Variants in GPR137 observed in about 807,000 individuals in gnomAD.
GPR137 encodes G protein-coupled receptor 137.
In GPR137, 20 loss-of-function variants were observed where a neutral mutation model predicts 38.9. The observed-to-expected ratio is 0.51, with a 90% CI of 0.36 to 0.75. The LOEUF is 0.75. GPR137 is among the 30% of genes least tolerant of loss of function. The probability of loss-of-function intolerance (pLI) is 0.00; values close to 1 mark genes in which losing one functional copy is unlikely to be tolerated. For missense variants in GPR137, 456 were observed against 526.4 expected, an observed-to-expected ratio of 0.87 and a Z score of 1.31; for synonymous variants, 226 against 235.8, an observed-to-expected ratio of 0.96 and a Z score of 0.38.
At position 64,277,956 on chromosome 11, in the gene GPR137, A is replaced by G. The variant is rs552179089; in HGVS notation, c.-16+1535A>G. The stretch of plus-strand genomic sequence containing the variant: ...GAAATTTGAATTTCATAGAATGTTC[A>G]CGTTACAAAATATAGTTCTTTGGAT... On this transcript the variant is annotated intron_variant, in intron 2 of 2. Coordinates refer to the GPR137 transcript ENST00000538244. 2.6e-5 allele frequency among the ~76,000 whole-genome samples: 4 copies of G among 152,274 alleles called. No individual in the cohort carries two copies. The South Asian group carries it at 8.3e-4, about 32-fold the overall frequency.
At chr11:64,282,613 T>C (rs1180237943), upstream of GPR137, among the ~76,000 whole-genome samples, 2 of 152,044 alleles carry the variant, frequency 1.3e-5, no homozygotes, top group African/African-American at 4.8e-5. Context: ...GCATGGTGGC[T>C]CACGCCTGTA....
rs770270522 is a variant in GPR137, at chr11:64,287,807, G to A, written c.494G>A (p.Arg165Gln). ...TGTGCTGTGCTCTCCCATCGGCGCCGGGCACAGCCCTGGGCCCTGCTGCTT... is the reference window on the plus strand; with the variant it reads ...TGTGCTGTGCTCTCCCATCGGCGCCAGGCACAGCCCTGGGCCCTGCTGCTT... Reference protein sequence around the residue: ...VLCAVLSHRRRAQPWALLLVR... With the variant: ...VLCAVLSHRRQAQPWALLLVR... Residue 165 changes from arginine (R) to glutamine (Q), a missense_variant, in exon 3 of 7, where the codon CGG becomes CAG. Coordinates refer to ENST00000438980, the MANE Select transcript of GPR137 (RefSeq NM_001170880.2). The A allele has an allele frequency of 2.7e-5, 43 of 1,607,018 alleles. 1 individual carries two copies. The highest frequency in any genetic ancestry group is 2.4e-4 in the South Asian group (22 of 91,078).
Position 64,277,594 on chromosome 11 carries a change from C to T in GPR137, c.-16+1173C>T, listed in dbSNP as rs372815001. Among the ~76,000 whole-genome samples the T allele has an allele frequency of 3.0e-4, 45 of 152,232 alleles. 1 individual carries two copies. The South Asian group carries it at 8.1e-3, about 27-fold the overall frequency. On this transcript the variant is annotated intron_variant, in intron 2 of 2. Coordinates refer to the GPR137 transcript ENST00000538244. Reference sequence around the variant, plus strand: ...CTTGGACTACAGGCATCACCATGCCCGGCTAATTTTTTAATTTAAAAAATT... The same window carrying T: ...CTTGGACTACAGGCATCACCATGCCTGGCTAATTTTTTAATTTAAAAAATT...
chr11:64,289,098 T>G lies in GPR137; in HGVS notation c.1093T>G (p.Tyr365Asp). ...TGCCATCGGGCGTGAGCCGGGCTGGTATGGGGGCAGCCAGACGAAGACCAC... is the reference window on the plus strand; with the variant it reads ...TGCCATCGGGCGTGAGCCGGGCTGGGATGGGGGCAGCCAGACGAAGACCAC... ...YGAIGREPGW[Y>D]GGSQTKTTPL... The change falls in exon 7 of 7, where the codon TAT becomes GAT. Residue 365 changes from tyrosine to aspartate, a missense_variant. Transcript: ENST00000438980. The G allele has an allele frequency of 1.2e-6, 2 of 1,612,010 alleles. No individual in the cohort carries two copies. The highest frequency in any genetic ancestry group is 1.7e-6 in the Non-Finnish European group (2 of 1,179,664).
At position 64,286,539 on chromosome 11, in the gene GPR137, G is replaced by C. The variant is rs983919539; in HGVS notation, c.15G>C (p.Leu5=). 8.1e-6 allele frequency: 13 copies of C among 1,612,394 alleles called. No homozygotes were observed. In the South Asian group the frequency reaches 1.4e-4, roughly 18 times the overall value. The change falls in exon 1 of 7, where the codon CTG becomes CTC. Residue 5 remains leucine (L), a synonymous_variant. Transcript: ENST00000438980. ...CCCTCCCTGACATGGAGAGTAACCT[G>C]TCTGGCCTGGTGCCTGCTGCCGGGC... is the stretch of plus-strand genomic sequence containing the variant. MESN[L]SGLVPAAGLV...
chr11:64,273,209 C>T (rs2032770844), upstream of GPR137, among the ~76,000 whole-genome samples: 1 of 152,062 alleles, frequency 6.6e-6, no homozygotes, highest in Admixed American at 6.5e-5. Flanking sequence ...TCCGTCTCTA[C>T]TAAAAATACA....
chr11:64,285,189 C>T, upstream of GPR137: 2 of 988,564 alleles, frequency 2.0e-6, no homozygotes, highest in South Asian at 9.0e-5. Flanking sequence ...CGCTCCTCCT[C>T]CCAGGCGCGG....
At chr11:64,276,626 C>T (rs1463693993) in intron 2 of GPR137, 1 of 359,630 alleles carries the variant, frequency 2.8e-6, no homozygotes, top group Non-Finnish European at 5.1e-6. Flanking sequence ...GGTGCCCAGC[C>T]CTAAATTGAA....
rs796327568 is a variant in GPR137, at chr11:64,285,874, G to A, written c.-651G>A. On this transcript the variant is annotated 5_prime_UTR_variant, in exon 1 of 7. Transcript: ENST00000438980. ...GAGCAGCGGGAGCCGGGGAGCCGGA[G>A]CCCCGGGTCCCCACGACCTGAGCCG... The A allele has an allele frequency of 1.6e-4, 155 of 979,462 alleles. 2 individuals carry two copies. In the African/African-American group the frequency reaches 2.4e-3, roughly 15 times the overall value. 60.7% of individuals were successfully genotyped at this position (979,462 alleles called of 1,614,324 possible).
upstream of GPR137, among the ~76,000 whole-genome samples, chr11:64,273,978 C>T (rs531615479): frequency 4.6e-5 from 7 of 150,932 alleles, no homozygotes; most frequent in East Asian, 1.2e-3. Flanking sequence ...GAACTGAAGG[C>T]GGGGGATAAC....
In GPR137 at chr11:64,288,458, C is replaced by A. The variant is rs956853903; in HGVS notation, c.902C>A (p.Pro301Gln). Residue 301 changes from proline (P) to glutamine (Q), a missense_variant, in exon 5 of 7, where the codon CCA becomes CAA. Physicochemically the swap from Pro to Gln is moderately conservative, Grantham distance 76. Transcript: ENST00000438980. This position sits in a 1 kb window ranked among gnomAD's most constrained non-coding sequence, Gnocchi z 5.5. ...LVGFFRVHRPPQDLSTSHILN... is the reference protein window; with the variant it reads ...LVGFFRVHRPQQDLSTSHILN... ...GGCTTCTTCCGGGTGCACCGGCCCC[C>A]ACAGGACCTGGTAAGGGTCTGCTCC... 1 of 1,613,336 alleles carries A rather than the reference C, an allele frequency of 6.2e-7. No homozygotes were observed. Among genetic ancestry groups the A allele is most frequent in the South Asian group, 1.1e-5 (1 of 91,058 alleles).
At chr11:64,273,652 T>TG (rs1369578238), upstream of GPR137, among the ~76,000 whole-genome samples, 2 of 151,024 alleles carry the variant, frequency 1.3e-5, no homozygotes, top group African/African-American at 4.9e-5. Flanking sequence ...AGGCCGAGGT[T>TG]GGGGAGATCA....
chr11:64,277,082 CA>C (rs1359422089), intron 2 of GPR137: 1 of 694,420 alleles, frequency 1.4e-6, no homozygotes. Flanking sequence ...CACTTAATTA[CA>C]AGACACTTGC....
rs2034545031 is a variant in GPR137 at position 64,289,465 on chromosome 11, C to A, written c.*269C>A. The A allele has an allele frequency of 3.3e-6, 5 of 1,494,970 alleles. No individual in the cohort carries two copies. The highest frequency in any genetic ancestry group is 1.4e-5 in the African/African-American group (1 of 71,402). The allele number at this position is 1,494,970 out of a possible 1,614,324, so 92.6% of individuals were successfully genotyped here. On this transcript the variant is annotated 3_prime_UTR_variant, in exon 7 of 7. Transcript: ENST00000438980. Reference sequence around the variant, plus strand: ...GAGCCAGCTACCTCTCCTGTGCCTGCCACTCAATAAACAGTGTCTGCGCCC... The same window carrying A: ...GAGCCAGCTACCTCTCCTGTGCCTGACACTCAATAAACAGTGTCTGCGCCC...
Position 64,288,984 on chromosome 11 carries a change from G to T in GPR137, c.1032-53G>T. 6.8e-7 allele frequency: 1 copy of T among 1,471,992 alleles called. No individual in the cohort carries two copies. The highest frequency in any genetic ancestry group is 9.0e-7 in the Non-Finnish European group (1 of 1,113,118). 91.2% of individuals were successfully genotyped at this position (1,471,992 alleles called of 1,614,324 possible). A position where few individuals can be genotyped will look rare whatever the true frequency, so the allele number is the denominator to read the frequency against. On this transcript the variant is annotated intron_variant, in intron 6 of 6. Transcript: ENST00000438980. The surrounding 1 kb of genome is among the most constrained non-coding windows in gnomAD (Gnocchi z 5.5). ...AGCCTGTCTTCCTCCTGCAGCTCTT[G>T]TGACTGTGGCCCTGGTCACTGTCCT...
chr11:64,277,360 A>C (rs536965444), intron 2 of GPR137, among the ~76,000 whole-genome samples: 1 of 152,340 alleles, frequency 6.6e-6, no homozygotes, highest in South Asian at 2.1e-4. Flanking sequence ...AAGCCCCTTC[A>C]GGCCTGCAGA....
At position 64,288,713 on chromosome 11, in the gene GPR137, G is replaced by C. The variant is rs533564739; in HGVS notation, c.1023G>C (p.Glu341Asp). Residue 341 changes from glutamate to aspartate, a missense_variant, in exon 6 of 7, where the codon GAG becomes GAC. Coordinates refer to ENST00000438980, the MANE Select transcript of GPR137 (RefSeq NM_001170880.2). This position sits in a 1 kb window ranked among gnomAD's most constrained non-coding sequence, Gnocchi z 5.5. The stretch of plus-strand genomic sequence containing the variant: ...GCTCCTGGGAGCACAGCCGGGGTGA[G>C]AGCACCAGGTAGGAGCCGTGGCACT... ...EGCSWEHSRG[E>D]STSMSGSLGS... is the part of the protein sequence containing the mutation. 1.9e-5 allele frequency: 30 copies of C among 1,560,800 alleles called. No homozygotes were observed. In the Admixed American group the frequency reaches 2.5e-4, roughly 13 times the overall value.
upstream of GPR137, among the ~76,000 whole-genome samples, chr11:64,282,895 A>G (rs1440595475): frequency 1.3e-5 from 2 of 151,618 alleles, no homozygotes; most frequent in Admixed American, 6.6e-5. Context: ...AAAAAAAAAA[A>G]AAAAAGAAAA....
rs761617937 is a variant in GPR137, at chr11:64,289,038, A to T, written c.1033A>T (p.Met345Leu). The change falls in exon 7 of 7, where the codon ATG becomes TTG. Residue 345 changes from methionine to leucine, a missense_variant and splice_region_variant. Coordinates refer to ENST00000438980, the MANE Select transcript of GPR137 (RefSeq NM_001170880.2). ...WEHSRGESTS[M>L]SGSLGSGSWY... ...ACTGACCCTGTTTCTCTGCTGCAGT[A>T]TGTCGGGCAGTCTAGGCTCTGGGAG... The T allele has an allele frequency of 6.4e-7, 1 of 1,563,576 alleles. No homozygotes were observed. The highest frequency in any genetic ancestry group is 1.4e-5 in the African/African-American group (1 of 73,868).
Sources: gnomAD v4.1 joint callset for allele counts (sites outside exome capture counted in the v4.1 genomes callset) on GRCh38, gnomAD v4.1.1 for gene constraint, Gnocchi (gnomAD v3.1) non-coding constraint, MANE v1.5 for transcripts, NCBI Gene and HGNC (gene_info 2026-07-23, HGNC 2026-07-21) for gene names.